VMP1: variants seen among roughly 807,000 people sequenced by gnomAD.
VMP1 encodes the protein ectopic P-granules autophagy protein 3 homolog.
In VMP1, 11 loss-of-function variants were observed where a neutral mutation model predicts 56.0. The ratio of observed to expected loss-of-function variants is 0.20; its 90% CI spans 0.12 to 0.32. The LOEUF is 0.32. VMP1 is among the 10% of genes least tolerant of loss of function. VMP1 has a pLI of 1.00. For missense variants in VMP1, 296 were observed against 490.3 expected (o/e 0.60, Z 3.74); for synonymous variants, 149 against 165.0 (o/e 0.90, Z 0.74).
intron 7 of VMP1, among the ~76,000 whole-genome samples, chr17:59,801,374 T>C (rs1303768695): frequency 6.6e-6 from 1 of 150,740 alleles, no homozygotes; most frequent in Non-Finnish European, 1.5e-5. Context: ...GTATCCCGAG[T>C]AACTGGGAAC....
chr17:59,757,345 G>C (rs1302803284), intron 5 of VMP1, among the ~76,000 whole-genome samples: 2 of 151,910 alleles, frequency 1.3e-5, no homozygotes, highest in Non-Finnish European at 2.9e-5. Context: ...TGAATTCTAA[G>C]TTTCTCTTAA....
At chr17:59,801,136 G>T (rs2037645387) in intron 7 of VMP1, among the ~76,000 whole-genome samples, 1 of 145,492 alleles carries the variant, frequency 6.9e-6, no homozygotes, top group African/African-American at 2.6e-5. Flanking sequence ...GTGTGTGTGT[G>T]TGTGTGTGTG....
chr17:59,801,774 A>C (rs755101838), intron 7 of VMP1, among the ~76,000 whole-genome samples: 39 of 152,014 alleles, frequency 2.6e-4, no homozygotes, highest in Non-Finnish European at 5.1e-4. Flanking sequence ...AGGTGCCTGT[A>C]ATCCCAGTTC....
At chr17:59,784,908 A>C (rs1376876002) in intron 7 of VMP1, 2 of 152,168 alleles carry the variant, frequency 1.3e-5, no homozygotes, top group Non-Finnish European at 2.9e-5. Flanking sequence ...TGCAAATTTT[A>C]ATTCACATTG....
chr17:59,786,761 T>C (rs1050253859), intron 7 of VMP1, among the ~76,000 whole-genome samples: 1 of 152,216 alleles, frequency 6.6e-6, no homozygotes, highest in South Asian at 2.1e-4. Context: ...CATTAAGCTT[T>C]GCAGTAACTG....
chr17:59,809,554 G>A (rs2665401), intron 8 of VMP1, among the ~76,000 whole-genome samples: 4 of 121,418 alleles, frequency 3.3e-5, no homozygotes, highest in Non-Finnish European at 4.9e-5. Flanking sequence ...TCGCCCAGGC[G>A]GTAGTGCAGT....
At chr17:59,786,844 G>A (rs1439857917) in intron 7 of VMP1, among the ~76,000 whole-genome samples, 1 of 152,212 alleles carries the variant, frequency 6.6e-6, no homozygotes, top group African/African-American at 2.4e-5. Flanking sequence ...TGTTTGCAAA[G>A]AGTTAAACTG....
At chr17:59,776,670 C>A (rs544846030) in intron 7 of VMP1, among the ~76,000 whole-genome samples, 10 of 152,274 alleles carry the variant, frequency 6.6e-5, no homozygotes, top group South Asian at 4.1e-4. Flanking sequence ...TTACTGAAAC[C>A]AGTCTGTCCA....
chr17:59,789,806 T>A (rs1401905481), intron 7 of VMP1, among the ~76,000 whole-genome samples: 1 of 151,062 alleles, frequency 6.6e-6, no homozygotes, highest in Non-Finnish European at 1.5e-5. Context: ...CTTTTCTTTC[T>A]TTCTTCCTTC....
intron 2 of VMP1, among the ~76,000 whole-genome samples, chr17:59,732,910 G>A (rs921859057): frequency 6.6e-6 from 1 of 152,190 alleles, no homozygotes; most frequent in Non-Finnish European, 1.5e-5. Context: ...ATTCACGCCT[G>A]TAATCCCAAC....
chr17:59,817,552 A>T (rs1023863674), intron 9 of VMP1, among the ~76,000 whole-genome samples, 160 bp from the exon 10 acceptor site: 1 of 151,916 alleles, frequency 6.6e-6, no homozygotes, highest in Non-Finnish European at 1.5e-5. Context: ...GGGTTTCACC[A>T]TGTTGGACAG....
In VMP1 at chr17:59,797,069, C is replaced by G. The variant is rs1051199702; in HGVS notation, c.715-11727C>G. The stretch of plus-strand genomic sequence containing the variant: ...AAAAATAAGGCCTGGCACTGTTGCT[C>G]AAGCCTGTAATCCTACCACTTTGGG... On this transcript the variant is annotated intron_variant, in intron 7 of 11. Transcript: ENST00000262291. Among the ~76,000 whole-genome samples the G allele has an allele frequency of 2.0e-5, 3 of 152,150 alleles. No individual in the cohort carries two copies. The East Asian group carries it at 5.8e-4, about 29-fold the overall frequency.
chr17:59,801,955 C>A (rs1468336161), intron 7 of VMP1, among the ~76,000 whole-genome samples: 7 of 152,082 alleles, frequency 4.6e-5, no homozygotes, highest in Non-Finnish European at 1.0e-4. Context: ...AATCCCAGCA[C>A]TTTGGGAGGC....
chr17:59,823,656 C>G (rs906920010), intron 10 of VMP1, among the ~76,000 whole-genome samples: 4 of 150,184 alleles, frequency 2.7e-5, no homozygotes, highest in Non-Finnish European at 5.9e-5. Flanking sequence ...GAGGCTAAGG[C>G]AGGAGAATGA....
At chr17:59,789,966 A>G (rs902062894) in intron 7 of VMP1, among the ~76,000 whole-genome samples, 3 of 148,770 alleles carry the variant, frequency 2.0e-5, no homozygotes, top group African/African-American at 7.4e-5. Flanking sequence ...CAGCCTCCCA[A>G]GTAGCTGGGA....
At chr17:59,748,239 A>T (rs1178949306) in intron 5 of VMP1, among the ~76,000 whole-genome samples, 2 of 151,724 alleles carry the variant, frequency 1.3e-5, no homozygotes, top group African/African-American at 4.8e-5. Flanking sequence ...GTTTTGATAC[A>T]CATATTTACA....
chr17:59,837,956 G>C (rs140134164), intron 10 of VMP1: 2 of 182,848 alleles, frequency 1.1e-5, no homozygotes, highest in Admixed American at 1.2e-4. Context: ...CCATACCAGA[G>C]TACAGTATCA....
intron 7 of VMP1, among the ~76,000 whole-genome samples, chr17:59,782,148 A>T (rs1457203896): frequency 6.6e-6 from 1 of 152,144 alleles, no homozygotes; most frequent in Admixed American, 6.6e-5. Flanking sequence ...ACCTCAAGTG[A>T]TCTGCCAGCC....
chr17:59,732,591 C>T (rs139177151), intron 2 of VMP1, among the ~76,000 whole-genome samples: 71 of 152,270 alleles, frequency 4.7e-4, no homozygotes, highest in Non-Finnish European at 9.0e-4. Context: ...CATTTTGCAG[C>T]ACTGATCTGA....
Sources: allele counts gnomAD v4.1 joint callset (sites outside exome capture counted in the v4.1 genomes callset), GRCh38; gene constraint gnomAD v4.1.1; transcripts MANE v1.5; gene names NCBI Gene and HGNC (gene_info 2026-07-23, HGNC 2026-07-21).